SLCO1C1: variants seen among roughly 807,000 people sequenced by gnomAD.
The protein encoded by SLCO1C1 is solute carrier organic anion transporter family member 1C1, also known as OAT-RP-5.
SLCO1C1 carries 70 observed loss-of-function variants against 76.4 expected under a neutral mutation model. The observed-to-expected ratio is 0.92, with a 90% CI of 0.76 to 1.12. The LOEUF (loss-of-function observed/expected upper bound fraction) is 1.12. Ranked by LOEUF, SLCO1C1 falls within the 50% of genes most tolerant of loss-of-function variation. The pLI is 0.00. For missense variants in SLCO1C1, 912 were observed against 823.8 expected (o/e 1.11, Z -1.31); for synonymous variants, 306 against 286.1 (o/e 1.07, Z -0.70).
At chr12:20,732,767 A>G in intron 9 of SLCO1C1, 142 bp from the exon 10 acceptor site, 2 of 840,926 alleles carry the variant, frequency 2.4e-6, no homozygotes, top group Non-Finnish European at 3.6e-6. Flanking sequence ...GATACTCATC[A>G]TACACTCTTT....
At chr12:20,730,648 A>T (rs1201213957) in intron 9 of SLCO1C1, among the ~76,000 whole-genome samples, 1 of 152,200 alleles carries the variant, frequency 6.6e-6, no homozygotes, top group Non-Finnish European at 1.5e-5. Flanking sequence ...AAAAGTTGGC[A>T]TTTCTTCTCT....
chr12:20,701,176 T>C, intron 2 of SLCO1C1, 142 bp from the exon 3 acceptor site: 2 of 810,520 alleles, frequency 2.5e-6, no homozygotes, highest in Non-Finnish European at 3.4e-6. Flanking sequence ...GAACAGTGTT[T>C]GAATTAAAGT....
intron 3 of SLCO1C1, among the ~76,000 whole-genome samples, chr12:20,704,737 G>A (rs547055140): frequency 6.6e-6 from 1 of 151,900 alleles, no homozygotes; most frequent in East Asian, 1.9e-4. Flanking sequence ...ACAGATGTAG[G>A]GAAACATGCT....
At chr12:20,712,141 C>T (rs1021060120) in intron 5 of SLCO1C1, among the ~76,000 whole-genome samples, 7 of 152,144 alleles carry the variant, frequency 4.6e-5, no homozygotes, top group African/African-American at 1.7e-4. Context: ...CAGCTCTCTC[C>T]AGTACAGAAG....
chr12:20,727,260 C>A (rs11045414), intron 9 of SLCO1C1, among the ~76,000 whole-genome samples: 2,238 of 152,224 alleles, frequency 0.015, 53 homozygotes, highest in African/African-American at 0.048. Flanking sequence ...ACTCTTAGTT[C>A]TTTGAGAAAT....
At chr12:20,738,477 TAC>T (rs1948651851) in intron 11 of SLCO1C1, among the ~76,000 whole-genome samples, 1 of 152,218 alleles carries the variant, frequency 6.6e-6, no homozygotes, top group Admixed American at 6.5e-5. Context: ...TCCACAGATA[TAC>T]AGTTAAGTTT....
rs557924792 is a variant in SLCO1C1, at chr12:20,744,756, A to C, written c.1798+1387A>C. Among the ~76,000 whole-genome samples the C allele has an allele frequency of 7.2e-5, 11 of 152,322 alleles. 1 individual carries two copies. In the South Asian group the frequency reaches 2.3e-3, roughly 32 times the overall value. On this transcript the variant is annotated intron_variant, in intron 13 of 14. Transcript: ENST00000266509. ...ATATAGATTTACCTTTTAACCTAATATCTTTACTTCTAAGAATTATACCAA... is the reference window on the plus strand; with the variant it reads ...ATATAGATTTACCTTTTAACCTAATCTCTTTACTTCTAAGAATTATACCAA...
chr12:20,722,157 C>A, intron 8 of SLCO1C1, 108 bp downstream of exon 8: 1 of 1,396,718 alleles, frequency 7.2e-7, no homozygotes, highest in South Asian at 1.5e-5. Context: ...AGTTGAGAAA[C>A]CATATCAGAA....
rs1948582986 is a variant in SLCO1C1, at chr12:20,737,111, A to G, written c.1387A>G (p.Lys463Glu). The part of the protein sequence containing the change: ...AGLTVSYQGT[K>E]PVSYHERALF... ...TATTGTTATATTTCTTTTCAGAACC[A>G]AACCTGTCTCTTATCATGAACGAGC... Residue 463 changes from lysine to glutamate, a missense_variant, in exon 11 of 15, where the codon AAA (lysine) becomes GAA (glutamate). Coordinates refer to ENST00000266509, the MANE Select transcript of SLCO1C1 (RefSeq NM_017435.5). The G allele has an allele frequency of 6.6e-7, 1 of 1,516,542 alleles. No individual in the cohort carries two copies. The highest frequency in any genetic ancestry group is 1.5e-5 in the African/African-American group (1 of 68,888). 93.9% of individuals were successfully genotyped at this position (1,516,542 alleles called of 1,614,324 possible). A position where few individuals can be genotyped will look rare whatever the true frequency, so the allele number is the denominator to read the frequency against.
Position 20,725,825 on chromosome 12 carries a change from C to A in SLCO1C1, c.1186+2571C>A, listed in dbSNP as rs187494288. 7.9e-5 allele frequency among the ~76,000 whole-genome samples: 12 copies of A among 152,028 alleles called. No individual in the cohort carries two copies. The East Asian group carries it at 2.3e-3, about 29-fold the overall frequency. On this transcript the variant is annotated intron_variant, in intron 9 of 14. Coordinates refer to ENST00000266509, the MANE Select transcript of SLCO1C1 (RefSeq NM_017435.5). ...AACACTTGGAATTGTCAATTCTTTT[C>A]ACTGTAACCATTCTTATGCGGTATG...
chr12:20,703,096 C>A (rs1360909889), intron 3 of SLCO1C1, among the ~76,000 whole-genome samples: 1 of 151,872 alleles, frequency 6.6e-6, no homozygotes, highest in African/African-American at 2.4e-5. Flanking sequence ...CTTAAAAGTT[C>A]TCTTACTTCC....
At chr12:20,706,495 A>G (rs1285073291) in intron 4 of SLCO1C1, among the ~76,000 whole-genome samples, 2 of 152,144 alleles carry the variant, frequency 1.3e-5, no homozygotes, top group Non-Finnish European at 2.9e-5. Flanking sequence ...ATCAACTCAA[A>G]CAAGTATTCA....
intron 4 of SLCO1C1, 48 bp from the exon 5 acceptor site, chr12:20,711,338 G>A (rs753900709): frequency 8.0e-5 from 126 of 1,579,088 alleles, no homozygotes; most frequent in Middle Eastern, 1.7e-4. Context: ...AATATTCTTA[G>A]TATGATGTTA....
intron 3 of SLCO1C1, among the ~76,000 whole-genome samples, chr12:20,701,870 G>A (rs1443368002): frequency 6.6e-6 from 1 of 151,870 alleles, no homozygotes; most frequent in Non-Finnish European, 1.5e-5. Flanking sequence ...AGAATTTACT[G>A]CAATGATGAA....
chr12:20,723,191 T>C lies in SLCO1C1; in HGVS notation c.1123T>C (p.Tyr375His). The C allele has an allele frequency of 6.2e-7, 1 of 1,614,164 alleles. No individual in the cohort carries two copies. Residue 375 changes from tyrosine (Y) to histidine (H), a missense_variant, in exon 9 of 15, where the codon TAC becomes CAC. Transcript: ENST00000266509. ...QFNSLFGMVT[Y>H]KPKYIEQQYG... ...CAATTCTCTGTTCGGCATGGTGACG[T>C]ACAAACCAAAGTACATTGAGCAGCA...
rs1946521299 is a variant in SLCO1C1 at position 20,701,438 on chromosome 12, A to T, written c.250A>T (p.Ile84Phe). 6.6e-7 allele frequency: 1 copy of T among 1,514,948 alleles called. No individual in the cohort carries two copies. Among genetic ancestry groups the T allele is most frequent in the Non-Finnish European group, 9.0e-7 (1 of 1,113,860 alleles). 93.8% of individuals were successfully genotyped at this position (1,514,948 alleles called of 1,614,324 possible). A position where few individuals can be genotyped will look rare whatever the true frequency, so the allele number is the denominator to read the frequency against. Reference protein sequence around the residue: ...FDIPSSLVGVIDGSFEIGNLL... With the variant: ...FDIPSSLVGVFDGSFEIGNLL... ...TATCCCTTCTTCACTGGTGGGAGTT[A>T]TTGATGGTAGTTTTGAAATTGGTAG... The change falls in exon 3 of 15, where the codon ATT (isoleucine) becomes TTT (phenylalanine). Residue 84 changes from isoleucine (I) to phenylalanine (F), a missense_variant. Transcript: ENST00000266509.
chr12:20,723,607 A>T (rs1947790275), intron 9 of SLCO1C1, among the ~76,000 whole-genome samples: 1 of 152,206 alleles, frequency 6.6e-6, no homozygotes, highest in African/African-American at 2.4e-5. Context: ...ATAGGTTAAA[A>T]GATGTTCATT....
intron 13 of SLCO1C1, among the ~76,000 whole-genome samples, chr12:20,749,605 T>C (rs1476947128): frequency 2.6e-5 from 4 of 152,240 alleles, no homozygotes; most frequent in Non-Finnish European, 4.4e-5. Context: ...CACTGAGCTA[T>C]GAACAACTGC....
intron 13 of SLCO1C1, among the ~76,000 whole-genome samples, chr12:20,748,927 C>T (rs546048507): frequency 6.6e-6 from 1 of 152,230 alleles, no homozygotes; most frequent in African/African-American, 2.4e-5. Context: ...TACCAGTTTT[C>T]TCCATTGAAA....
Sources: gnomAD v4.1 joint callset for allele counts (sites outside exome capture counted in the v4.1 genomes callset) on GRCh38, gnomAD v4.1.1 for gene constraint, MANE v1.5 for transcripts, NCBI Gene and HGNC (gene_info 2026-07-23, HGNC 2026-07-21) for gene names.